The following DLG2 variants were observed in gnomAD, a reference collection of about 807,000 sequenced individuals.
DLG2 encodes the protein discs large MAGUK scaffold protein 2.
In DLG2, 45 loss-of-function variants were observed where a neutral mutation model predicts 132.5. That is an observed-to-expected ratio of 0.34 (90% CI 0.27 to 0.44). The LOEUF is 0.44. Among genes scored for constraint, DLG2 ranks in the 20% least tolerant of loss-of-function variants. DLG2 has a pLI of 1.00. For synonymous variants in DLG2, 424 were observed against 419.6 expected (o/e 1.01, Z -0.13); for missense variants, 1,045 against 1,196.9 (o/e 0.87, Z 1.87).
chr11:85,483,043 C>T (rs1469750398), intron 3 of DLG2, among the ~76,000 whole-genome samples: 1 of 152,092 alleles, frequency 6.6e-6, no homozygotes, highest in East Asian at 1.9e-4. Context: ...TAGCAGAAAA[C>T]TTTTCAAATT....
intron 3 of DLG2, among the ~76,000 whole-genome samples, chr11:85,504,948 C>T (rs879701631): frequency 1.3e-5 from 2 of 152,034 alleles, no homozygotes; most frequent in Non-Finnish European, 2.9e-5. Context: ...AGTTGGATTC[C>T]TAGGTATTTT....
chr11:84,503,512 GTTTCTTAGGACC>G (rs1192082783), intron 7 of DLG2, among the ~76,000 whole-genome samples: 1 of 152,186 alleles, frequency 6.6e-6, no homozygotes, highest in Non-Finnish European at 1.5e-5. Flanking sequence ...TCTGCTGCAT[GTTTCTTAGGACC>G]AAGCTTCTTG....
intron 3 of DLG2, among the ~76,000 whole-genome samples, chr11:85,484,482 A>G (rs1461988422): frequency 2.3e-4 from 34 of 151,070 alleles, no homozygotes; most frequent in African/African-American, 7.6e-4. Context: ...CAGAATCTAC[A>G]ATGAACTCAA....
In DLG2 at chr11:84,922,937, A is replaced by G. The variant is rs1160698687; in HGVS notation, c.357+188724T>C. 1.2e-5 allele frequency: 13 copies of G among 1,042,574 alleles called. No individual in the cohort carries two copies. The East Asian group carries it at 3.3e-4, about 26-fold the overall frequency. The allele number at this position is 1,042,574 out of a possible 1,614,324, so 64.6% of individuals were successfully genotyped here. On this transcript the variant is annotated intron_variant, in intron 6 of 27. Coordinates refer to ENST00000376104, the MANE Select transcript of DLG2 (RefSeq NM_001142699.3). ...AGCGAGGCTGCACGGCAACAATAAA[A>G]CAAAGCCTTTGCAACCACCTGTAAT...
At chr11:83,592,919 A>C (rs2097212377) in intron 19 of DLG2, among the ~76,000 whole-genome samples, 1 of 149,154 alleles carries the variant, frequency 6.7e-6, no homozygotes, top group Non-Finnish European at 1.5e-5. Flanking sequence ...GCCATCAGAG[A>C]AATGCAAATC....
intron 3 of DLG2, among the ~76,000 whole-genome samples, chr11:85,441,283 C>G (rs766336686): frequency 5.9e-5 from 9 of 152,198 alleles, no homozygotes; most frequent in Non-Finnish European, 1.2e-4. Context: ...CGACCCTACT[C>G]TAAATATGGT....
chr11:84,002,846 T>C (rs2094418809), intron 11 of DLG2, among the ~76,000 whole-genome samples: 2 of 152,174 alleles, frequency 1.3e-5, no homozygotes, highest in African/African-American at 2.4e-5. Context: ...TGAATTTCTT[T>C]TCAGAAAATT....
intron 16 of DLG2, among the ~76,000 whole-genome samples, chr11:83,859,819 A>G (rs1270530268): frequency 6.6e-6 from 1 of 152,094 alleles, no homozygotes; most frequent in Non-Finnish European, 1.5e-5. Flanking sequence ...TTAGGGGGAA[A>G]AAATGGTTTT....
At chr11:83,548,237 C>T (rs1478482459) in intron 19 of DLG2, among the ~76,000 whole-genome samples, 2 of 151,982 alleles carry the variant, frequency 1.3e-5, no homozygotes, top group Non-Finnish European at 1.5e-5. Context: ...TCTCTAGAGC[C>T]TTATGTGGCA....
chr11:84,160,181 C>T (rs1422391356), intron 9 of DLG2, among the ~76,000 whole-genome samples: 1 of 152,020 alleles, frequency 6.6e-6, no homozygotes, highest in Non-Finnish European at 1.5e-5. Flanking sequence ...CTGGATGAGG[C>T]CATCTAGGGA....
chr11:84,329,338 G>T (rs1567307290), intron 7 of DLG2, among the ~76,000 whole-genome samples: 1 of 152,128 alleles, frequency 6.6e-6, no homozygotes, highest in Non-Finnish European at 1.5e-5. Context: ...ATCTTGAATT[G>T]TAGTTCCCAT....
chr11:85,354,695 GCAC>G (rs2083555697), intron 3 of DLG2, among the ~76,000 whole-genome samples: 1 of 151,716 alleles, frequency 6.6e-6, no homozygotes, highest in Admixed American at 6.6e-5. Flanking sequence ...ATTACCAGGA[GCAC>G]CACATTTGAC....
At chr11:85,524,144 T>C (rs2074549944) in intron 3 of DLG2, among the ~76,000 whole-genome samples, 2 of 152,058 alleles carry the variant, frequency 1.3e-5, no homozygotes, top group South Asian at 2.1e-4. Flanking sequence ...TATAAAAATA[T>C]AGTTAGAAAG....
intron 17 of DLG2, among the ~76,000 whole-genome samples, chr11:83,829,863 A>T (rs1016397957): frequency 2.6e-5 from 4 of 152,102 alleles, no homozygotes; most frequent in Admixed American, 1.3e-4. Context: ...CGTCATTTAC[A>T]TTAGGTATAT....
chr11:84,335,655 G>A (rs948236551), intron 7 of DLG2, among the ~76,000 whole-genome samples: 14 of 152,166 alleles, frequency 9.2e-5, no homozygotes, highest in Non-Finnish European at 1.9e-4. Flanking sequence ...TCTGAGGAAG[G>A]AGAAATTGAT....
intron 3 of DLG2, among the ~76,000 whole-genome samples, chr11:85,478,506 T>A (rs286494): frequency 0.89 from 135,288 of 152,212 alleles, 60,383 homozygotes; most frequent in Non-Finnish European, 0.91. Context: ...ATTTCTCAAT[T>A]ATCTTTGCTT....
chr11:85,199,427 TC>T (rs1339108831), intron 4 of DLG2, among the ~76,000 whole-genome samples: 1 of 152,194 alleles, frequency 6.6e-6, no homozygotes, highest in African/African-American at 2.4e-5. Flanking sequence ...TCAGAGAACT[TC>T]CCAGGGTGAT....
At chr11:83,790,701 G>A (rs2041301693) in intron 17 of DLG2, 1 of 810,112 alleles carries the variant, frequency 1.2e-6, no homozygotes, top group Non-Finnish European at 2.2e-6. Flanking sequence ...CATGACTCCC[G>A]TGGTGCCAGT....
chr11:85,540,966 T>C (rs2075926974), intron 3 of DLG2, among the ~76,000 whole-genome samples: 4 of 152,248 alleles, frequency 2.6e-5, no homozygotes. Flanking sequence ...CCCTCTTTTC[T>C]TTAAAAGTTC....
Sources: gnomAD v4.1 joint callset for allele counts (sites outside exome capture counted in the v4.1 genomes callset) on GRCh38, gnomAD v4.1.1 for gene constraint, MANE v1.5 for transcripts, NCBI Gene and HGNC (gene_info 2026-07-23, HGNC 2026-07-21) for gene names.